The following MET variants were observed in gnomAD, a reference collection of about 807,000 sequenced individuals.
MET encodes the protein hepatocyte growth factor receptor.
MET carries 48 observed loss-of-function variants against 133.1 expected under a neutral mutation model. The observed-to-expected ratio is 0.36, with a 90% CI of 0.29 to 0.46. The LOEUF (loss-of-function observed/expected upper bound fraction) is 0.46. Among genes scored for constraint, MET ranks in the 20% least tolerant of loss-of-function variants. The pLI, the probability that MET is intolerant of heterozygous loss-of-function variation, is 1.00. For synonymous variants in MET, 628 were observed against 616.5 expected, an observed-to-expected ratio of 1.02 and a Z score of -0.28; for missense variants, 1,442 against 1,695.9, an observed-to-expected ratio of 0.85 and a Z score of 2.63.
rs535570426 is a variant in MET at position 116,702,844 on chromosome 7, T to A, written c.1200+2560T>A. On this transcript the variant is annotated intron_variant, in intron 2 of 20. Coordinates refer to ENST00000397752, the MANE Select transcript of MET (RefSeq NM_000245.4). ...CTGGCACTCCAAGAGCTCTCCACCA[T>A]GTGCAAAAAGTGTTTCTATCACAAG... Among the ~76,000 whole-genome samples the A allele has an allele frequency of 5.3e-5, 8 of 152,204 alleles. No individual in the cohort carries two copies. In the South Asian group the frequency reaches 1.7e-3, roughly 32 times the overall value.
chr7:116,682,789 T>C (rs1361706135), intron 1 of MET, among the ~76,000 whole-genome samples: 1 of 152,212 alleles, frequency 6.6e-6, no homozygotes, highest in African/African-American at 2.4e-5. Flanking sequence ...TTTTTCGCCA[T>C]GCCCACTGCA....
At chr7:116,679,277 C>A (rs1258066110) in intron 1 of MET, among the ~76,000 whole-genome samples, 1 of 152,128 alleles carries the variant, frequency 6.6e-6, no homozygotes, top group Non-Finnish European at 1.5e-5. Context: ...TATTGATATC[C>A]ATCTGTCATA....
At chr7:116,744,314 A>G (rs1164945772) in intron 5 of MET, among the ~76,000 whole-genome samples, 3 of 152,218 alleles carry the variant, frequency 2.0e-5, no homozygotes, top group African/African-American at 7.2e-5. Flanking sequence ...AGGAATTGCT[A>G]ACTAGAATAA....
At chr7:116,736,976 A>G (rs1017548698) in intron 3 of MET, among the ~76,000 whole-genome samples, 4 of 152,224 alleles carry the variant, frequency 2.6e-5, no homozygotes, top group African/African-American at 9.6e-5. Context: ...TGAGAGTTAA[A>G]GTGGTTAATC....
chr7:116,744,365 AAC>A (rs1793579538), intron 5 of MET, among the ~76,000 whole-genome samples: 1 of 152,220 alleles, frequency 6.6e-6, no homozygotes, highest in Non-Finnish European at 1.5e-5. Context: ...GGAGCTGAAA[AAC>A]ACAGCATGAG....
chr7:116,732,678 G>A (rs1326985412), intron 3 of MET, among the ~76,000 whole-genome samples: 3 of 152,144 alleles, frequency 2.0e-5, no homozygotes, highest in Admixed American at 2.0e-4. Context: ...GTAATTGTCT[G>A]ATGTAGTTAG....
chr7:116,782,579 T>C (rs942033780), intron 18 of MET, among the ~76,000 whole-genome samples: 3 of 152,248 alleles, frequency 2.0e-5, no homozygotes, highest in African/African-American at 7.2e-5. Flanking sequence ...CCTGGCTATG[T>C]AATACAACAG....
intron 2 of MET, among the ~76,000 whole-genome samples, chr7:116,714,728 T>G (rs192456832): frequency 6.9e-6 from 1 of 144,904 alleles, no homozygotes; most frequent in Admixed American, 7.4e-5. Context: ...TTTATACAGT[T>G]AAACACTCAC....
In MET at chr7:116,758,572, G is replaced by A. The variant is rs45553236; in HGVS notation, c.2216G>A (p.Arg739His). 3.8e-5 allele frequency: 62 copies of A among 1,613,508 alleles called. No individual in the cohort carries two copies. In the South Asian group the frequency reaches 4.7e-4, roughly 12 times the overall value. ...CGAGAGACAAGCATCTTCAGTTACC[G>A]TGAAGATCCCATTGTCTATGAAATT... ...ANRETSIFSY[R>H]EDPIVYEIHP... The change falls in exon 9 of 21, where the codon CGT becomes CAT. Residue 739 changes from arginine to histidine, a missense_variant. Physicochemically the swap from Arg to His is conservative, Grantham distance 29 (BLOSUM62 0). Transcript: ENST00000397752.
intron 5 of MET, among the ~76,000 whole-genome samples, chr7:116,745,601 A>C (rs1326096172): frequency 1.3e-5 from 2 of 152,222 alleles, no homozygotes; most frequent in African/African-American, 4.8e-5. Flanking sequence ...AATGGAACAG[A>C]ACAGAGCCCT....
chr7:116,684,872 G>A (rs1482504802), intron 1 of MET, among the ~76,000 whole-genome samples: 2 of 152,190 alleles, frequency 1.3e-5, no homozygotes, highest in Non-Finnish European at 2.9e-5. Context: ...TCTCTGGTAT[G>A]CTAGGGGGCA....
At chr7:116,723,530 T>C (rs1191675784) in intron 2 of MET, among the ~76,000 whole-genome samples, 1 of 152,246 alleles carries the variant, frequency 6.6e-6, no homozygotes, top group Admixed American at 6.5e-5. Flanking sequence ...GGTGAGGAAC[T>C]GCGTTCCTTT....
In MET at chr7:116,771,529, G is replaced by T. The variant is rs769721494; in HGVS notation, c.2762G>T (p.Gly921Val). The change falls in exon 13 of 21, where the codon GGA becomes GTA. Residue 921 changes from glycine (G) to valine (V), a missense_variant. Gly to Val is a moderately radical substitution (Grantham distance 109). Transcript: ENST00000397752. ...CAAGCAATTTCTTCAACCGTCCTTG[G>T]AAAAGTAATAGTTCAACCAGATCAG... Reference protein sequence around the residue: ...WKQAISSTVLGKVIVQPDQNF... With the variant: ...WKQAISSTVLVKVIVQPDQNF... 1 of 1,613,798 alleles carries T rather than the reference G, an allele frequency of 6.2e-7. No homozygotes were observed. The highest frequency in any genetic ancestry group is 1.7e-5 in the Admixed American group (1 of 59,998).
intron 1 of MET, chr7:116,695,893 C>G: frequency 2.8e-6 from 1 of 353,330 alleles, no homozygotes; most frequent in South Asian, 2.3e-5. Context: ...CTACAGTTCT[C>G]TAGCTTGGCT....
At chr7:116,720,945 C>T (rs1384409373) in intron 2 of MET, among the ~76,000 whole-genome samples, 1 of 149,516 alleles carries the variant, frequency 6.7e-6, no homozygotes, top group Non-Finnish European at 1.5e-5. Context: ...GTCTAAAATT[C>T]TCTTTTTTGG....
chr7:116,751,855 A>G (rs1020223984), intron 5 of MET, among the ~76,000 whole-genome samples: 2 of 152,000 alleles, frequency 1.3e-5, no homozygotes, highest in African/African-American at 4.8e-5. Flanking sequence ...AGGTCAGGAG[A>G]TCGAGACCAT....
Position 116,797,993 on chromosome 7 carries a change from C to T in MET, c.*1869C>T. The T allele has an allele frequency of 1.4e-5, 3 of 219,662 alleles. No individual in the cohort carries two copies. Among genetic ancestry groups the T allele is most frequent in the Non-Finnish European group, 2.7e-5 (3 of 109,302 alleles). The allele number at this position is 219,662 out of a possible 1,614,324, so 13.6% of individuals were successfully genotyped here. ...AAGAGCTATTACAATCCAAATATTG[C>T]CGTTTCATAAATGTAATAAGTAATA... is the stretch of plus-strand genomic sequence containing the variant. On this transcript the variant is annotated 3_prime_UTR_variant, in exon 21 of 21. Coordinates refer to ENST00000397752, the MANE Select transcript of MET (RefSeq NM_000245.4).
intron 2 of MET, among the ~76,000 whole-genome samples, chr7:116,702,573 G>T (rs10248537): frequency 0.24 from 36,708 of 152,028 alleles, 4,533 homozygotes; most frequent in East Asian, 0.34. Context: ...ACTCCATTTT[G>T]TCTTGGCAGA....
intron 1 of MET, among the ~76,000 whole-genome samples, chr7:116,694,018 T>G (rs1214435284): frequency 2.0e-5 from 3 of 152,212 alleles, no homozygotes; most frequent in Admixed American, 6.5e-5. Flanking sequence ...AGTGATTGGA[T>G]TTAAACCCTA....
Sources: allele counts gnomAD v4.1 joint callset (sites outside exome capture counted in the v4.1 genomes callset), GRCh38; gene constraint gnomAD v4.1.1; transcripts MANE v1.5; gene names NCBI Gene and HGNC (gene_info 2026-07-23, HGNC 2026-07-21).